ERICH3: variants seen among roughly 807,000 people sequenced by gnomAD.
ERICH3 encodes glutamate rich 3, also known as glutamate-rich protein 3.
A neutral mutation model predicts 131.1 loss-of-function variants in ERICH3; 126 were observed. That is an observed-to-expected ratio of 0.96 (90% CI 0.83 to 1.11). The LOEUF is 1.11. ERICH3 is among the 50% of genes most tolerant of loss of function. ERICH3 has a pLI of 0.00. For missense variants in ERICH3, 2,050 were observed against 1,810.7 expected, an observed-to-expected ratio of 1.13 and a Z score of -2.40; for synonymous variants, 695 against 644.6, an observed-to-expected ratio of 1.08 and a Z score of -1.18.
At chr1:74,610,964 C>T (rs1206357610) in intron 9 of ERICH3, among the ~76,000 whole-genome samples, 2 of 152,130 alleles carry the variant, frequency 1.3e-5, no homozygotes, top group East Asian at 1.9e-4. Context: ...CTATTCACTG[C>T]CTTTCCTTCT....
rs750196215 is a variant in ERICH3 at position 74,641,422 on chromosome 1, G to A, written c.353C>T (p.Pro118Leu). 3.4e-5 allele frequency: 54 copies of A among 1,610,742 alleles called. No homozygotes were observed. The highest frequency in any genetic ancestry group is 4.6e-5 in the Non-Finnish European group (54 of 1,178,984). ...HTRRSVENNM[P>L]ILSPHPPVGP... ...AACTGGTGGGTGGGGAGACAGGATT[G>A]GCATGTTATTTTCAACAGACCTTCT... The change falls in exon 5 of 15, where the codon CCA becomes CTA. Residue 118 changes from proline (P) to leucine (L), a missense_variant. Transcript: ENST00000326665.
intron 1 of ERICH3, 79 bp downstream of exon 1, chr1:74,673,418 G>A (rs1646759779): frequency 5.8e-6 from 9 of 1,541,634 alleles, no homozygotes; most frequent in Non-Finnish European, 8.0e-6. Flanking sequence ...CCTTCCCTCC[G>A]CAGCAGGAGG....
At chr1:74,668,745 A>G (rs951196334) in intron 1 of ERICH3, among the ~76,000 whole-genome samples, 1 of 152,222 alleles carries the variant, frequency 6.6e-6, no homozygotes, top group Non-Finnish European at 1.5e-5. Context: ...AGTGGAAGCC[A>G]CAACAAATAA....
At chr1:74,650,406 C>T (rs796622112) in intron 1 of ERICH3, among the ~76,000 whole-genome samples, 13 of 152,254 alleles carry the variant, frequency 8.5e-5, no homozygotes, top group African/African-American at 1.9e-4. Flanking sequence ...AAAACATGCA[C>T]GCACATATGT....
chr1:74,590,038 T>C lies in ERICH3; in HGVS notation c.1769A>G (p.Tyr590Cys). The stretch of plus-strand genomic sequence containing the variant: ...AGATTCATCCTCACTGTCACTAGAA[T>C]AAGGGTGACTTCTGGATGAGGTTGA... ...ASSTSSRSHP[Y>C]SSDSEDESAV... The change falls in exon 12 of 15, where the codon TAT (tyrosine) becomes TGT (cysteine). Residue 590 changes from tyrosine to cysteine, a missense_variant. Physicochemically the swap from Tyr to Cys is radical, Grantham distance 194. Transcript: ENST00000326665. The C allele has an allele frequency of 6.2e-7, 1 of 1,613,468 alleles. No individual in the cohort carries two copies. The highest frequency in any genetic ancestry group is 8.5e-7 in the Non-Finnish European group (1 of 1,179,646).
intron 11 of ERICH3, among the ~76,000 whole-genome samples, chr1:74,590,488 A>G (rs1420492284): frequency 6.6e-6 from 1 of 152,238 alleles, no homozygotes; most frequent in Non-Finnish European, 1.5e-5. Context: ...GTGGCAGACC[A>G]TCAGGCATTA....
chr1:74,589,696 A>C lies in ERICH3; in HGVS notation c.2111T>G (p.Leu704Arg), dbSNP rs1647491918. ...CACCTGAGCAGTGCTTTCTTCCCAA[A>C]GCTTACTCTTATCCTTTTCCTTTTC... Reference protein sequence around the residue: ...AEEKEKDKSKLWEESTAQVKD... With the variant: ...AEEKEKDKSKRWEESTAQVKD... Residue 704 changes from leucine to arginine, a missense_variant, in exon 12 of 15, where the codon CTT becomes CGT. Transcript: ENST00000326665. The C allele has an allele frequency of 6.2e-7, 1 of 1,613,984 alleles. No homozygotes were observed. The highest frequency in any genetic ancestry group is 1.3e-5 in the African/African-American group (1 of 75,006).
chr1:74,620,723 T>A lies in ERICH3; in HGVS notation c.1000+11A>T, dbSNP rs774247975. On this transcript the variant is annotated intron_variant, in intron 8 of 14. Coordinates refer to ENST00000326665, the MANE Select transcript of ERICH3 (RefSeq NM_001002912.5). ...CCAAGCAATTAAAAAACATTCACAT[T>A]TTATGTGTACCTTTTTCAAGTAGTT... 4.2e-5 allele frequency: 66 copies of A among 1,580,462 alleles called. No homozygotes were observed. Among genetic ancestry groups the A allele is most frequent in the Non-Finnish European group, 4.8e-5 (56 of 1,163,764 alleles).
At chr1:74,598,256 G>A (rs982160831) in intron 11 of ERICH3, among the ~76,000 whole-genome samples, 2 of 151,632 alleles carry the variant, frequency 1.3e-5, no homozygotes, top group African/African-American at 4.8e-5. Flanking sequence ...TTTATTACAT[G>A]GATTTTATGG....
Position 74,575,873 on chromosome 1 carries a change from G to C in ERICH3, c.2218+1022C>G, listed in dbSNP as rs188786381. 7.2e-3 allele frequency among the ~76,000 whole-genome samples: 1,098 copies of C among 152,262 alleles called. 11 individuals are homozygous for C. Among genetic ancestry groups the C allele is most frequent in the African/African-American group, 0.025 (1,022 of 41,544 alleles). On this transcript the variant is annotated intron_variant, in intron 13 of 14. Transcript: ENST00000326665. Reference sequence around the variant, plus strand: ...GTCAGACATGACGTTCCTCAAGCAAGGGAGAAAGAGTAATTGAAGCTTTTC... The same window carrying C: ...GTCAGACATGACGTTCCTCAAGCAACGGAGAAAGAGTAATTGAAGCTTTTC...
rs760135715 is a variant in ERICH3, at chr1:74,571,643, TC to T, written c.4066del (p.Glu1356ArgfsTer16). The T allele has an allele frequency of 6.2e-6, 10 of 1,614,022 alleles. No individual in the cohort carries two copies. The African/African-American group carries it at 1.3e-4, about 22-fold the overall frequency. On this transcript the variant is annotated frameshift_variant, in exon 14 of 15. Coordinates refer to ENST00000326665, the MANE Select transcript of ERICH3 (RefSeq NM_001002912.5). LOFTEE classifies it high-confidence loss of function. ...GGETAETAAEEREVLAGSETA... is the reference protein window; with the variant it reads ...GGETAETAAEXREVLAGSETA... ...CTCCGAACCTGCCAACACCTCCCTC[TC>T]CTCTGCGGCTGTTTCTGCCGTTTCA... is the stretch of plus-strand genomic sequence containing the variant.
intron 11 of ERICH3, among the ~76,000 whole-genome samples, chr1:74,598,873 C>A (rs1647980770): frequency 6.6e-6 from 1 of 151,700 alleles, no homozygotes; most frequent in South Asian, 2.1e-4. Context: ...CAAACATAAG[C>A]AAATACTTAA....
At chr1:74,667,092 T>TA (rs1646699405) in intron 1 of ERICH3, among the ~76,000 whole-genome samples, 1 of 142,790 alleles carries the variant, frequency 7.0e-6, no homozygotes, top group South Asian at 2.3e-4. Context: ...ATGTTTACCT[T>TA]AAATTTTTTT....
intron 7 of ERICH3, among the ~76,000 whole-genome samples, chr1:74,630,858 A>G (rs1409970635): frequency 6.6e-6 from 1 of 151,990 alleles, no homozygotes; most frequent in African/African-American, 2.4e-5. Context: ...ACATCCTGTC[A>G]AAGACAGCAA....
chr1:74,595,198 A>T (rs1478047507), intron 11 of ERICH3, among the ~76,000 whole-genome samples: 1 of 152,156 alleles, frequency 6.6e-6, no homozygotes, highest in Non-Finnish European at 1.5e-5. Flanking sequence ...AAGTTCAAGA[A>T]AAACTGTTTA....
chr1:74,605,229 A>T (rs879693642), intron 10 of ERICH3, among the ~76,000 whole-genome samples: 6 of 151,932 alleles, frequency 3.9e-5, no homozygotes, highest in Non-Finnish European at 7.4e-5. Context: ...GCCTTCATAG[A>T]ATTGAAGAGA....
intron 1 of ERICH3, among the ~76,000 whole-genome samples, chr1:74,659,444 G>C (rs1646619633): frequency 6.6e-6 from 1 of 152,134 alleles, no homozygotes; most frequent in African/African-American, 2.4e-5. Context: ...CTGAGAGAAG[G>C]GTAGTCAGTC....
At chr1:74,584,475 T>G (rs529768675) in intron 12 of ERICH3, among the ~76,000 whole-genome samples, 1 of 152,190 alleles carries the variant, frequency 6.6e-6, no homozygotes, top group African/African-American at 2.4e-5. Context: ...TCAGCAGCTA[T>G]GCTCCCAATT....
At chr1:74,596,054 A>C (rs1315062760) in intron 11 of ERICH3, among the ~76,000 whole-genome samples, 1 of 152,110 alleles carries the variant, frequency 6.6e-6, no homozygotes, top group Non-Finnish European at 1.5e-5. Context: ...TATTGAAGCC[A>C]AAAGATTAAG....
Sources: gnomAD v4.1 joint callset for allele counts (sites outside exome capture counted in the v4.1 genomes callset) on GRCh38, gnomAD v4.1.1 for gene constraint, MANE v1.5 for transcripts, NCBI Gene and HGNC (gene_info 2026-07-23, HGNC 2026-07-21) for gene names.